Variants in ZFYVE26 observed in about 807,000 individuals in gnomAD.
ZFYVE26 encodes the protein zinc finger FYVE-type containing 26, also known as zinc finger FYVE domain-containing protein 26.
ZFYVE26 carries 181 observed loss-of-function variants against 276.5 expected under a neutral mutation model. The observed-to-expected ratio is 0.65, with a 90% CI of 0.58 to 0.74. The LOEUF (loss-of-function observed/expected upper bound fraction) is 0.74. Ranked by LOEUF, ZFYVE26 falls within the 30% of genes least tolerant of loss-of-function variation. The probability of loss-of-function intolerance (pLI) is 0.00; values close to 1 mark genes in which losing one functional copy is unlikely to be tolerated. For synonymous variants in ZFYVE26, 1,129 were observed against 1,203.1 expected (o/e 0.94, Z 1.27); for missense variants, 2,821 against 3,097.9 (o/e 0.91, Z 2.12).
In ZFYVE26 at chr14:67,781,343, A is replaced by T; in HGVS notation, c.4559T>A (p.Val1520Glu). The change falls in exon 22 of 42, where the codon GTG becomes GAG. Residue 1520 changes from valine to glutamate, a missense_variant. Val to Glu is a moderately radical substitution (Grantham distance 121). Transcript: ENST00000347230. Reference sequence around the variant, plus strand: ...TGCGAGGGCCCATACCTTCTGATACACCTGCAGCTCCGCCAGCTTCCTCTG... The same window carrying T: ...TGCGAGGGCCCATACCTTCTGATACTCCTGCAGCTCCGCCAGCTTCCTCTG... ...ELQRKLAELQ[V>E]YQKILGLQSP... is the part of the protein sequence containing the mutation. 3 of 1,614,078 alleles carry T rather than the reference A, an allele frequency of 1.9e-6. No homozygotes were observed. Among genetic ancestry groups the T allele is most frequent in the Non-Finnish European group, 2.5e-6 (3 of 1,180,026 alleles).
chr14:67,801,513 T>C (rs1232791483), intron 10 of ZFYVE26, among the ~76,000 whole-genome samples: 6 of 152,096 alleles, frequency 3.9e-5, no homozygotes, highest in Non-Finnish European at 8.8e-5. Context: ...ATTCCAAAGC[T>C]AGGAGAGAGG....
At position 67,807,741 on chromosome 14, in the gene ZFYVE26, A is replaced by G; in HGVS notation, c.543T>C (p.Gly181=). 1 of 1,614,206 alleles carries G rather than the reference A, an allele frequency of 6.2e-7. No individual in the cohort carries two copies. The highest frequency in any genetic ancestry group is 8.5e-7 in the Non-Finnish European group (1 of 1,180,034). Residue 181 remains glycine (G), a synonymous_variant, in exon 5 of 42, where the codon GGT becomes GGC. Coordinates refer to ENST00000347230, the MANE Select transcript of ZFYVE26 (RefSeq NM_015346.4). Reference sequence around the variant, plus strand: ...GCAGAGGCCAGTGACAGAGGCCAGTACCGTCATCCTCCTCAAGCAGGAGCT... The same window carrying G: ...GCAGAGGCCAGTGACAGAGGCCAGTGCCGTCATCCTCCTCAAGCAGGAGCT... The part of the protein sequence containing the change: ...LLELLLEEDD[G]TGLCHWPLQN...
At chr14:67,762,635 G>T in intron 33 of ZFYVE26, 37 bp downstream of exon 33, 1 of 1,610,734 alleles carries the variant, frequency 6.2e-7, no homozygotes, top group South Asian at 1.1e-5. Flanking sequence ...TTGCTACAGT[G>T]GGGTGGAAGT....
At chr14:67,802,636 C>G (rs2040101439) in intron 9 of ZFYVE26, among the ~76,000 whole-genome samples, 1 of 152,186 alleles carries the variant, frequency 6.6e-6, no homozygotes, top group African/African-American at 2.4e-5. Flanking sequence ...ATTATTGCCT[C>G]TTTTTTGCCT....
intron 27 of ZFYVE26, among the ~76,000 whole-genome samples, chr14:67,772,586 T>TA (rs1178743411): frequency 2.0e-5 from 3 of 151,898 alleles, no homozygotes; most frequent in Non-Finnish European, 4.4e-5. Flanking sequence ...CCTCCACAAA[T>TA]AAAAAAGAGG....
chr14:67,802,801 T>G (rs1226032245), intron 9 of ZFYVE26, among the ~76,000 whole-genome samples: 1 of 151,440 alleles, frequency 6.6e-6, no homozygotes, highest in Non-Finnish European at 1.5e-5. Flanking sequence ...AAACATGGAA[T>G]GTAATAACAC....
chr14:67,807,370 T>C, intron 5 of ZFYVE26, 28 bp downstream of exon 5: 1 of 1,613,636 alleles, frequency 6.2e-7, no homozygotes, highest in Non-Finnish European at 8.5e-7. Flanking sequence ...TTACTGAAAC[T>C]AAAGGAGCAG....
chr14:67,776,337 C>T (rs1294746640), intron 25 of ZFYVE26, among the ~76,000 whole-genome samples: 1 of 152,194 alleles, frequency 6.6e-6, no homozygotes, highest in Non-Finnish European at 1.5e-5. Context: ...TAAACTTTTC[C>T]TATAAAGGAT....
chr14:67,733,708 C>A, intron 13 of ZFYVE26: 1 of 1,398,456 alleles, frequency 7.2e-7, no homozygotes, highest in South Asian at 1.2e-5. Flanking sequence ...ACTGCTAATT[C>A]TCATTCCTGG....
In ZFYVE26 at chr14:67,748,644, C is replaced by T. The variant is rs201771769; in HGVS notation, c.7417-5G>A. 1 of 1,613,676 alleles carries T rather than the reference C, an allele frequency of 6.2e-7. No homozygotes were observed. Among genetic ancestry groups the T allele is most frequent in the Non-Finnish European group, 8.5e-7 (1 of 1,180,022 alleles). On this transcript the variant is annotated splice_polypyrimidine_tract_variant and splice_region_variant and intron_variant, in intron 41 of 41. Coordinates refer to ENST00000347230, the MANE Select transcript of ZFYVE26 (RefSeq NM_015346.4). Reference sequence around the variant, plus strand: ...ACATATCAGGTAGGCCCGAACCTGGCAGTCAGTTATAAGAGACAGCGGAAA... The same window carrying T: ...ACATATCAGGTAGGCCCGAACCTGGTAGTCAGTTATAAGAGACAGCGGAAA...
At position 67,789,356 on chromosome 14, in the gene ZFYVE26, T is replaced by C. The variant is rs2039747774; in HGVS notation, c.2998A>G (p.Asn1000Asp). The change falls in exon 16 of 42, where the codon AAT (asparagine) becomes GAT (aspartate). Residue 1000 changes from asparagine (N) to aspartate (D), a missense_variant. Transcript: ENST00000347230. The stretch of plus-strand genomic sequence containing the variant: ...TCACCCCGCCTTTCAAGGCTACTAT[T>C]CAAACGCCGTTCGGCTGTCTCCAAA... Reference protein sequence around the residue: ...QLLETAERRLNSSLERRGRRI... With the variant: ...QLLETAERRLDSSLERRGRRI... The C allele has an allele frequency of 6.2e-7, 1 of 1,614,062 alleles. No individual in the cohort carries two copies.
chr14:67,783,581 C>T (rs977861923), intron 20 of ZFYVE26, 56 bp from the exon 21 acceptor site: 5 of 1,598,620 alleles, frequency 3.1e-6, no homozygotes, highest in Non-Finnish European at 4.3e-6. Flanking sequence ...CACCATTAAC[C>T]AGTCTTACAA....
At chr14:67,800,409 G>T (rs1460413283) in intron 10 of ZFYVE26, among the ~76,000 whole-genome samples, 4 of 152,126 alleles carry the variant, frequency 2.6e-5, no homozygotes, top group Non-Finnish European at 5.9e-5. Flanking sequence ...TTTTATAAAA[G>T]AGATATTACA....
chr14:67,755,343 G>C, intron 36 of ZFYVE26, 93 bp from the exon 37 acceptor site: 1 of 1,456,518 alleles, frequency 6.9e-7, no homozygotes, highest in Non-Finnish European at 9.5e-7. Flanking sequence ...CTGCCTATGA[G>C]ACCTTGTTTC....
chr14:67,770,198 T>G, intron 28 of ZFYVE26: 1 of 237,632 alleles, frequency 4.2e-6, no homozygotes, highest in Non-Finnish European at 8.4e-6. Context: ...GCGCGGTGGT[T>G]CACGCCTATA....
Position 67,805,617 on chromosome 14 carries a change from A to G in ZFYVE26, c.1019T>C (p.Val340Ala). ...NNKHFLEQIL[V>A]TALTLLKEED... ...TTCTTTCAACAATGTTAGTGCTGTT[A>G]CCTGTAAGTCAAAGAAAGCTGTTAT... Residue 340 changes from valine (V) to alanine (A), a missense_variant and splice_region_variant, in exon 7 of 42, where the codon GTA becomes GCA. Coordinates refer to ENST00000347230, the MANE Select transcript of ZFYVE26 (RefSeq NM_015346.4). The G allele has an allele frequency of 6.2e-7, 1 of 1,613,854 alleles. No homozygotes were observed.
At chr14:67,784,918 A>C (rs1226676118) in intron 19 of ZFYVE26, 141 bp downstream of exon 19, 1 of 882,682 alleles carries the variant, frequency 1.1e-6, no homozygotes, top group Admixed American at 1.8e-5. Context: ...GCCAGAGATG[A>C]ATAAGAGAGG....
Position 67,785,897 on chromosome 14 carries a change from G to C in ZFYVE26, c.3265C>G (p.Gln1089Glu). Residue 1089 changes from glutamine (Q) to glutamate (E), a missense_variant, in exon 18 of 42, where the codon CAG becomes GAG. Coordinates refer to ENST00000347230, the MANE Select transcript of ZFYVE26 (RefSeq NM_015346.4). The part of the protein sequence containing the change: ...SHTTLSQQLD[Q>E]VLQSLREALE... ...GCCTCTCTCAGTGACTGAAGGACCTGATCTAGCTGCTGGGAGAGGGTGGTG... is the reference window on the plus strand; with the variant it reads ...GCCTCTCTCAGTGACTGAAGGACCTCATCTAGCTGCTGGGAGAGGGTGGTG... 1 of 1,614,202 alleles carries C rather than the reference G, an allele frequency of 6.2e-7. No individual in the cohort carries two copies. The highest frequency in any genetic ancestry group is 8.5e-7 in the Non-Finnish European group (1 of 1,180,044).
intron 41 of ZFYVE26, 138 bp from the exon 42 acceptor site, chr14:67,748,777 G>T: frequency 1.1e-6 from 1 of 869,678 alleles, no homozygotes; most frequent in Non-Finnish European, 1.9e-6. Flanking sequence ...TGTATTTTAT[G>T]GTATTATAAC....
Sources: allele counts gnomAD v4.1 joint callset (sites outside exome capture counted in the v4.1 genomes callset), GRCh38; gene constraint gnomAD v4.1.1; transcripts MANE v1.5; gene names NCBI Gene and HGNC (gene_info 2026-07-23, HGNC 2026-07-21).